Variants in LPAR1 observed in about 807,000 individuals in gnomAD.
LPAR1 encodes LPA receptor 1.
In LPAR1, 5 loss-of-function variants were observed where a neutral mutation model predicts 23.8. That is an observed-to-expected ratio of 0.21 (90% confidence interval 0.11 to 0.44). The LOEUF (loss-of-function observed/expected upper bound fraction) is 0.44, where lower values mean the gene tolerates loss of function less well. LPAR1 is among the 20% of genes least tolerant of loss of function. The probability of loss-of-function intolerance (pLI) is 0.99; values close to 1 mark genes in which losing one functional copy is unlikely to be tolerated. For missense variants in LPAR1, 311 were observed against 482.8 expected (o/e 0.64, Z 3.33); for synonymous variants, 160 against 164.7 (o/e 0.97, Z 0.22).
At chr9:111,008,154 A>G (rs112512205) in intron 2 of LPAR1, among the ~76,000 whole-genome samples, 1,943 of 151,180 alleles carry the variant, frequency 0.013, 43 homozygotes, top group African/African-American at 0.045. Context: ...AACCTGGGCA[A>G]TAGAACAAGA....
At chr9:110,924,699 TTAAAA>T (rs1318629002) in intron 5 of LPAR1, among the ~76,000 whole-genome samples, 1 of 151,922 alleles carries the variant, frequency 6.6e-6, no homozygotes, top group Non-Finnish European at 1.5e-5. Context: ...TGTGATGTGA[TTAAAA>T]TAAGATTCAG....
chr9:110,992,913 T>C (rs1197529470), intron 2 of LPAR1, among the ~76,000 whole-genome samples: 1 of 152,182 alleles, frequency 6.6e-6, no homozygotes, highest in Non-Finnish European at 1.5e-5. Flanking sequence ...TTCATTGCAG[T>C]GATAATTTCG....
At position 110,941,641 on chromosome 9, in the gene LPAR1, A is replaced by G. The variant is rs770890934; in HGVS notation, c.573T>C (p.Asp191=). The G allele has an allele frequency of 3.7e-6, 6 of 1,614,214 alleles. No homozygotes were observed. The highest frequency in any genetic ancestry group is 1.6e-4 in the Middle Eastern group (1 of 6,062). Residue 191 remains aspartate (D), a synonymous_variant, in exon 5 of 6, where the codon GAT becomes GAC. Transcript: ENST00000683809. The surrounding 1 kb of genome is among the most constrained non-coding windows in gnomAD (Gnocchi z 6.1). ...IPSVGWNCIC[D]IENCSNMAPL... ...GTGCCATGTTGGAACAATTTTCAAT[A>G]TCACAGATACAGTTCCAGCCCACAC...
chr9:110,954,203 A>C (rs1564153655), intron 4 of LPAR1, among the ~76,000 whole-genome samples: 1 of 152,214 alleles, frequency 6.6e-6, no homozygotes, highest in Non-Finnish European at 1.5e-5. Context: ...CAGACAACAG[A>C]CAAGATCAAG....
chr9:110,881,149 T>G (rs2080696862), intron 5 of LPAR1, among the ~76,000 whole-genome samples: 1 of 152,222 alleles, frequency 6.6e-6, no homozygotes, highest in African/African-American at 2.4e-5. Flanking sequence ...ACAGTATTAT[T>G]GTTCTATATT....
At chr9:110,976,880 C>T (rs975788317) in intron 2 of LPAR1, among the ~76,000 whole-genome samples, 3 of 152,042 alleles carry the variant, frequency 2.0e-5, no homozygotes. Flanking sequence ...TCTAAATTAC[C>T]TCAATATCCC....
intron 4 of LPAR1, among the ~76,000 whole-genome samples, chr9:110,956,772 T>A (rs1045238485): frequency 8.6e-5 from 13 of 150,844 alleles, no homozygotes; most frequent in Non-Finnish European, 1.5e-4. Flanking sequence ...CAACAATGAA[T>A]AATGAGACTG....
intron 2 of LPAR1, among the ~76,000 whole-genome samples, chr9:111,030,983 A>T (rs1275288090): frequency 6.6e-6 from 1 of 152,174 alleles, no homozygotes; most frequent in Non-Finnish European, 1.5e-5. Flanking sequence ...ATATACATAA[A>T]TATTAATTTT....
chr9:110,933,676 A>G (rs1295712224), intron 5 of LPAR1, among the ~76,000 whole-genome samples: 1 of 152,204 alleles, frequency 6.6e-6, no homozygotes, highest in Admixed American at 6.5e-5. Context: ...AAATCTTTGC[A>G]TCATTTATTA....
At position 110,994,215 on chromosome 9, in the gene LPAR1, T is replaced by C. The variant is rs973065929; in HGVS notation, c.-181-20657A>G. ...CTGAATTTAATCAACAGGAAACATGTAACAAACCCACTGAGGAACATTCTA... is the reference window on the plus strand; with the variant it reads ...CTGAATTTAATCAACAGGAAACATGCAACAAACCCACTGAGGAACATTCTA... On this transcript the variant is annotated intron_variant, in intron 2 of 5. Coordinates refer to ENST00000683809, the MANE Select transcript of LPAR1 (RefSeq NM_001351411.2). Among the ~76,000 whole-genome samples the C allele has an allele frequency of 4.6e-5, 7 of 152,154 alleles. No individual in the cohort carries two copies. The East Asian group carries it at 1.4e-3, about 29-fold the overall frequency.
intron 5 of LPAR1, among the ~76,000 whole-genome samples, chr9:110,931,041 C>T (rs1012304301): frequency 1.3e-5 from 2 of 152,166 alleles, no homozygotes; most frequent in African/African-American, 4.8e-5. Flanking sequence ...GATGTACATG[C>T]CTAACAACGG....
chr9:111,034,758 G>C lies in LPAR1; in HGVS notation c.-182+1364C>G, dbSNP rs115301155. Among the ~76,000 whole-genome samples, 1,003 of 152,098 alleles carry C rather than the reference G, an allele frequency of 6.6e-3. 7 individuals carry two copies. The highest frequency in any genetic ancestry group is 0.022 in the African/African-American group (925 of 41,474). On this transcript the variant is annotated intron_variant, in intron 2 of 5. Transcript: ENST00000683809. ...GTTACTCAGTGTCTTTCCACATCTT[G>C]AGGTTATGTAATACTTCCTCCTTGC... is the stretch of plus-strand genomic sequence containing the variant.
intron 5 of LPAR1, among the ~76,000 whole-genome samples, chr9:110,912,155 A>T: frequency 6.6e-6 from 1 of 152,302 alleles, no homozygotes; most frequent in Non-Finnish European, 1.5e-5. Context: ...TTAAATACTT[A>T]ATAATAGAAA....
chr9:110,965,571 G>T (rs1415739005), intron 4 of LPAR1, among the ~76,000 whole-genome samples: 1 of 152,162 alleles, frequency 6.6e-6, no homozygotes, highest in African/African-American at 2.4e-5. Context: ...ACCACAATGA[G>T]ATACCATCTC....
intron 2 of LPAR1, among the ~76,000 whole-genome samples, chr9:111,024,251 C>T (rs910963763): frequency 4.6e-5 from 7 of 151,546 alleles, no homozygotes; most frequent in South Asian, 2.1e-4. Context: ...TAGACTGAAC[C>T]GTACAAAACT....
intron 2 of LPAR1, among the ~76,000 whole-genome samples, chr9:110,987,126 T>C (rs953950973): frequency 9.2e-5 from 14 of 152,016 alleles, no homozygotes; most frequent in Non-Finnish European, 1.5e-4. Context: ...ATTTATACTA[T>C]GGGAAAAATA....
chr9:110,962,508 G>C (rs1169327899), intron 4 of LPAR1, among the ~76,000 whole-genome samples: 1 of 152,104 alleles, frequency 6.6e-6, no homozygotes, highest in African/African-American at 2.4e-5. Flanking sequence ...TTCTGACTTT[G>C]AAATCAGCCA....
intron 2 of LPAR1, among the ~76,000 whole-genome samples, chr9:111,017,260 T>C (rs2097468498): frequency 6.6e-6 from 1 of 152,204 alleles, no homozygotes; most frequent in African/African-American, 2.4e-5. Flanking sequence ...CCTATGCTTA[T>C]TAAATTTCAC....
chr9:110,882,832 G>C (rs936233168), intron 5 of LPAR1, among the ~76,000 whole-genome samples: 3 of 152,122 alleles, frequency 2.0e-5, no homozygotes, highest in African/African-American at 4.8e-5. Flanking sequence ...TTGGTCATTA[G>C]ATGATTGCCG....
Sources: gnomAD v4.1 joint callset for allele counts (sites outside exome capture counted in the v4.1 genomes callset) on GRCh38, gnomAD v4.1.1 for gene constraint, Gnocchi (gnomAD v3.1) non-coding constraint, MANE v1.5 for transcripts, NCBI Gene and HGNC (gene_info 2026-07-23, HGNC 2026-07-21) for gene names.